FAM200B: variants seen among roughly 807,000 people sequenced by gnomAD.
The protein encoded by FAM200B is zinc finger BED-type containing 11.
FAM200B carries 32 observed loss-of-function variants against 33.1 expected under a neutral mutation model. The ratio of observed to expected loss-of-function variants is 0.97; its 90% CI spans 0.73 to 1.30. FAM200B has a LOEUF of 1.30. Among genes scored for constraint, FAM200B ranks in the 50% most tolerant of loss-of-function variants. The pLI is 0.00. For missense variants in FAM200B, 741 were observed against 754.0 expected, an observed-to-expected ratio of 0.98 and a Z score of 0.20; for synonymous variants, 240 against 264.8, an observed-to-expected ratio of 0.91 and a Z score of 0.91.
chr4:15,638,450 A>C, the FAM200B span: 1 of 1,291,812 alleles, frequency 7.7e-7, no homozygotes, highest in Non-Finnish European at 1.1e-6. Context: ...AGTTCATATC[A>C]GTAAGATGTC....
the FAM200B span, among the ~76,000 whole-genome samples, chr4:15,645,930 C>G: frequency 6.6e-6 from 1 of 151,970 alleles, no homozygotes; most frequent in Admixed American, 6.6e-5. Context: ...TTCTTTGGTA[C>G]CTGGGATATA....
At chr4:15,681,319 G>C (rs1383229441), upstream of FAM200B, 1 of 157,324 alleles carries the variant, frequency 6.4e-6, no homozygotes, top group East Asian at 1.9e-4. Flanking sequence ...CCGCCAGGTC[G>C]GGGCTGGGGC....
At chr4:15,678,270 G>A (rs534603483), upstream of FAM200B, among the ~76,000 whole-genome samples, 2 of 152,156 alleles carry the variant, frequency 1.3e-5, no homozygotes, top group Admixed American at 6.5e-5. Flanking sequence ...TAACAAGAAT[G>A]GCTTCATTAA....
chr4:15,686,859 T>C lies in FAM200B; in HGVS notation c.-119T>C. 3.9e-6 allele frequency: 2 copies of C among 507,450 alleles called. No homozygotes were observed. The highest frequency in any genetic ancestry group is 6.8e-6 in the Non-Finnish European group (2 of 295,166). 31.4% of individuals were successfully genotyped at this position (507,450 alleles called of 1,614,324 possible). A position where few individuals can be genotyped will look rare whatever the true frequency, so the allele number is the denominator to read the frequency against. On this transcript the variant is annotated 5_prime_UTR_variant, in exon 2 of 2. Coordinates refer to ENST00000422728, the MANE Select transcript of FAM200B (RefSeq NM_001145191.2). ...GTGAAGTCTGAAATATTCGATTCAA[T>C]TGCAAACTTTGAGTGTAGTTTTTGA...
chr4:15,664,718 C>T, the FAM200B span, among the ~76,000 whole-genome samples: 10 of 151,672 alleles, frequency 6.6e-5, no homozygotes, highest in Non-Finnish European at 1.5e-5. Flanking sequence ...ATACCACGCC[C>T]GGCTAACTTT....
the FAM200B span, chr4:15,655,079 GC>G: frequency 1.5e-6 from 1 of 657,732 alleles, no homozygotes; most frequent in Non-Finnish European, 2.0e-6. Context: ...AGCTGCGCAG[GC>G]GGCTACTCGC....
At chr4:15,659,589 T>C in the FAM200B span, 1 of 232,458 alleles carries the variant, frequency 4.3e-6, no homozygotes. Context: ...AAGAGAAGTT[T>C]AGATAATACT....
Position 15,688,412 on chromosome 4 carries a change from CCTAG to C in FAM200B, c.1439_1442del (p.Ser480IlefsTer21), listed in dbSNP as rs1367711528. On this transcript the variant is annotated frameshift_variant, in exon 2 of 2. Coordinates refer to ENST00000422728, the MANE Select transcript of FAM200B (RefSeq NM_001145191.2). LOFTEE classifies it high-confidence loss of function. ...GCAAGTAAGACTTAAAAGTAATCGT[CCTAG>C]CTATTACATGTTTCCAAGATTTTTG... 1 of 1,547,358 alleles carries C rather than the reference CCTAG, an allele frequency of 6.5e-7. No homozygotes were observed.
the FAM200B span, among the ~76,000 whole-genome samples, chr4:15,674,090 T>TC: frequency 6.6e-6 from 1 of 152,226 alleles, no homozygotes. Flanking sequence ...AGATTTGTTT[T>TC]CCAACACTCT....
chr4:15,688,488 T>C lies in FAM200B; in HGVS notation c.1511T>C (p.Ile504Thr). The part of the protein sequence containing the change: ...NIINENILKE[I>T]KLEILLHLTS... ...ATTAATGAAAACATTTTGAAAGAAA[T>C]AAAATTAGAGATATTGTTGCATCTC... The change falls in exon 2 of 2, where the codon ATA becomes ACA. Residue 504 changes from isoleucine (I) to threonine (T), a missense_variant. Physicochemically the swap from Ile to Thr is moderately conservative, Grantham distance 89. Coordinates refer to ENST00000422728, the MANE Select transcript of FAM200B (RefSeq NM_001145191.2). 2 of 1,539,636 alleles carry C rather than the reference T, an allele frequency of 1.3e-6. No homozygotes were observed. The highest frequency in any genetic ancestry group is 1.8e-6 in the Non-Finnish European group (2 of 1,137,950).
Position 15,689,748 on chromosome 4 carries a change from G to A in FAM200B, c.*797G>A. 2 of 162,784 alleles carry A rather than the reference G, an allele frequency of 1.2e-5. No homozygotes were observed. The allele number at this position is 162,784 out of a possible 1,614,324, so 10.1% of individuals were successfully genotyped here. ...TCTATGATTGCACCACTGCAGTCCA[G>A]CCTGAGCAACAGAGTGAAACCCTGT... On this transcript the variant is annotated 3_prime_UTR_variant, in exon 2 of 2. Transcript: ENST00000422728.
chr4:15,646,462 A>G, the FAM200B span, among the ~76,000 whole-genome samples: 55,947 of 140,446 alleles, frequency 0.4, 10,689 homozygotes, highest in Non-Finnish European at 0.42. Context: ...CATTTTTTGG[A>G]AAAAAAAAAA....
the FAM200B span, chr4:15,644,746 G>T: frequency 1.3e-5 from 18 of 1,412,626 alleles, no homozygotes; most frequent in Middle Eastern, 3.6e-4. Flanking sequence ...TAATAAATAC[G>T]TGCAAATATG....
chr4:15,683,101 A>G (rs1718489852), intron 1 of FAM200B, among the ~76,000 whole-genome samples: 1 of 152,234 alleles, frequency 6.6e-6, no homozygotes, highest in Non-Finnish European at 1.5e-5. Context: ...GGAATTTTAG[A>G]CTATCAAGCA....
At chr4:15,641,075 G>A in the FAM200B span, among the ~76,000 whole-genome samples, 53 of 152,074 alleles carry the variant, frequency 3.5e-4, no homozygotes, top group Non-Finnish European at 6.5e-4. Flanking sequence ...AGTAATGTAT[G>A]TAACCCCATA....
chr4:15,648,463 C>T, the FAM200B span, among the ~76,000 whole-genome samples: 1 of 151,960 alleles, frequency 6.6e-6, no homozygotes, highest in East Asian at 1.9e-4. Flanking sequence ...TCATAATAGC[C>T]AAGATATGGA....
chr4:15,688,407 A>AC lies in FAM200B; in HGVS notation c.1430_1431insC (p.Arg478SerfsTer3), dbSNP rs1719090488. On this transcript the variant is annotated frameshift_variant, in exon 2 of 2. Coordinates refer to ENST00000422728, the MANE Select transcript of FAM200B (RefSeq NM_001145191.2). LOFTEE classifies it high-confidence loss of function. ...TTATGGCAAGTAAGACTTAAAAGTA[A>AC]TCGTCCTAGCTATTACATGTTTCCA... 3 of 1,549,138 alleles carry AC rather than the reference A, an allele frequency of 1.9e-6. No homozygotes were observed. In the African/African-American group the frequency reaches 4.1e-5, roughly 21 times the overall value.
the FAM200B span, among the ~76,000 whole-genome samples, chr4:15,665,856 G>T: frequency 1.3e-5 from 2 of 152,110 alleles, no homozygotes; most frequent in Admixed American, 1.3e-4. Context: ...GATGATTAGT[G>T]TACCTGCACC....
the FAM200B span, among the ~76,000 whole-genome samples, chr4:15,661,819 TG>T: frequency 1.3e-5 from 2 of 152,206 alleles, no homozygotes; most frequent in African/African-American, 4.8e-5. Flanking sequence ...GCAGTCAGAT[TG>T]GCAGCTAAAG....
Sources: gnomAD v4.1 joint callset for allele counts (sites outside exome capture counted in the v4.1 genomes callset) on GRCh38, gnomAD v4.1.1 for gene constraint, MANE v1.5 for transcripts, NCBI Gene and HGNC (gene_info 2026-07-23, HGNC 2026-07-21) for gene names.